Variants in GFOD1 observed in about 807,000 individuals in gnomAD.
GFOD1 encodes glucose-fructose oxidoreductase domain-containing protein 1.
A neutral mutation model predicts 25.4 loss-of-function variants in GFOD1; 9 were observed. The observed-to-expected ratio is 0.35, with a 90% CI of 0.21 to 0.62. The LOEUF is 0.62. Among genes scored for constraint, GFOD1 ranks in the 20% least tolerant of loss-of-function variants. The pLI is 0.72. For missense variants in GFOD1, 403 were observed against 556.9 expected, an observed-to-expected ratio of 0.72 and a Z score of 2.78; for synonymous variants, 253 against 245.6, an observed-to-expected ratio of 1.03 and a Z score of -0.28.
intron 1 of GFOD1, among the ~76,000 whole-genome samples, chr6:13,406,445 T>C (rs1226589317): frequency 6.7e-6 from 1 of 149,406 alleles, no homozygotes; most frequent in Non-Finnish European, 1.5e-5. Context: ...GTAACACGGC[T>C]TCAGAAAGGG....
At position 13,486,662 on chromosome 6, in the gene GFOD1, T is replaced by A; in HGVS notation, c.229A>T (p.Arg77Ter). The A allele has an allele frequency of 6.2e-7, 1 of 1,614,090 alleles. No individual in the cohort carries two copies. Among genetic ancestry groups the A allele is most frequent in the South Asian group, 1.1e-5 (1 of 91,086 alleles). ...VCINLPPPLT[R>*]QIAVKTLGIG... ...CCTAGGGTTTTGACAGCGATCTGTCTGGTGAGGGGCGGCGGCAGGTTAATG... is the reference window on the plus strand; with the variant it reads ...CCTAGGGTTTTGACAGCGATCTGTCAGGTGAGGGGCGGCGGCAGGTTAATG... Residue 77 changes from arginine to a stop codon, truncating the protein, a stop_gained, in exon 1 of 2, where the codon AGA (arginine) becomes TGA (stop). Transcript: ENST00000379287. LOFTEE classifies it high-confidence loss of function.
At chr6:13,397,615 C>T (rs1467423250) in intron 1 of GFOD1, among the ~76,000 whole-genome samples, 1 of 152,198 alleles carries the variant, frequency 6.6e-6, no homozygotes, top group Non-Finnish European at 1.5e-5. Context: ...ATATTTGCCT[C>T]CACCTGCTTC....
intron 1 of GFOD1, among the ~76,000 whole-genome samples, chr6:13,378,879 T>C (rs541779030): frequency 6.6e-6 from 1 of 151,992 alleles, no homozygotes; most frequent in Non-Finnish European, 1.5e-5. Context: ...CCATGCTTCC[T>C]CCCCAAGAAA....
chr6:13,386,916 G>T (rs771960069), intron 1 of GFOD1, among the ~76,000 whole-genome samples: 1 of 152,126 alleles, frequency 6.6e-6, no homozygotes, highest in Non-Finnish European at 1.5e-5. Flanking sequence ...AGAAGTTTGG[G>T]AAATGCTGGT....
intron 1 of GFOD1, among the ~76,000 whole-genome samples, chr6:13,462,511 C>G (rs1177051079): frequency 2.0e-5 from 3 of 152,178 alleles, no homozygotes; most frequent in African/African-American, 7.2e-5. Flanking sequence ...CTGTGAGCAC[C>G]TGGGAGAAGG....
intron 1 of GFOD1, among the ~76,000 whole-genome samples, chr6:13,481,067 C>G (rs1758742132): frequency 6.6e-6 from 1 of 152,156 alleles, no homozygotes; most frequent in Admixed American, 6.5e-5. Context: ...AGGGTCCTAC[C>G]TTGAAATAAC....
At chr6:13,374,508 G>A (rs111648813) in intron 1 of GFOD1, among the ~76,000 whole-genome samples, 7,058 of 151,796 alleles carry the variant, frequency 0.046, 304 homozygotes, top group African/African-American at 0.11. Context: ...GTTTCTCCAT[G>A]TTGGCCAGGC....
intron 1 of GFOD1, among the ~76,000 whole-genome samples, chr6:13,461,795 A>T (rs1440818279): frequency 1.3e-5 from 2 of 152,154 alleles, no homozygotes; most frequent in African/African-American, 4.8e-5. Context: ...AAAACACACG[A>T]GCCAGGCTCA....
At chr6:13,470,682 C>T in intron 1 of GFOD1, 1 of 1,440,614 alleles carries the variant, frequency 6.9e-7, no homozygotes, top group Non-Finnish European at 9.1e-7. Context: ...CATTTTCTAC[C>T]ACCCACTTTT....
chr6:13,482,111 A>G (rs1758764943), intron 1 of GFOD1, among the ~76,000 whole-genome samples: 1 of 148,966 alleles, frequency 6.7e-6, no homozygotes, highest in Non-Finnish European at 1.5e-5. Flanking sequence ...ATATATTGTA[A>G]TATATATAAA....
At position 13,486,856 on chromosome 6, in the gene GFOD1, A is replaced by G; in HGVS notation, c.35T>C (p.Leu12Pro). The stretch of plus-strand genomic sequence containing the variant: ...CAGCGGGATGATGACACGGGCCGTG[A>G]GGCTGGTGCCGAACACGCCCACCCC... ...LPGVGVFGTS[L>P]TARVIIPLLK... The change falls in exon 1 of 2, where the codon CTC (leucine) becomes CCC (proline). Residue 12 changes from leucine to proline, a missense_variant. Leu to Pro is a moderately conservative substitution (Grantham distance 98). Coordinates refer to ENST00000379287, the MANE Select transcript of GFOD1 (RefSeq NM_018988.4). 6.2e-7 allele frequency: 1 copy of G among 1,612,582 alleles called. No individual in the cohort carries two copies. Among genetic ancestry groups the G allele is most frequent in the East Asian group, 2.2e-5 (1 of 44,858 alleles).
chr6:13,398,425 C>T (rs977973184), intron 1 of GFOD1, among the ~76,000 whole-genome samples: 83 of 152,154 alleles, frequency 5.5e-4, no homozygotes, highest in African/African-American at 1.8e-3. Flanking sequence ...TTTGAGTGTA[C>T]GCATTTAGCA....
At position 13,365,639 on chromosome 6, in the gene GFOD1, C is replaced by T. The variant is rs1263444266; in HGVS notation, c.277G>A (p.Asp93Asn). The change falls in exon 2 of 2, where the codon GAC becomes AAC. Residue 93 changes from aspartate (D) to asparagine (N), a missense_variant. Physicochemically the swap from Asp to Asn is conservative, Grantham distance 23 (BLOSUM62 1). Coordinates refer to ENST00000379287, the MANE Select transcript of GFOD1 (RefSeq NM_018988.4). This position sits in a 1 kb window ranked among gnomAD's most constrained non-coding sequence, Gnocchi z 9.2. ...GCGTCCAGCGGCGTGGCCGTGCGGT[C>T]GCAGATGACGTTCTTGCCGATGCCT... Reference protein sequence around the residue: ...TLGIGKNVICDRTATPLDAFR... With the variant: ...TLGIGKNVICNRTATPLDAFR... 4 of 1,596,648 alleles carry T rather than the reference C, an allele frequency of 2.5e-6. No homozygotes were observed. Among genetic ancestry groups the T allele is most frequent in the Non-Finnish European group, 1.7e-6 (2 of 1,177,276 alleles).
chr6:13,388,571 T>C (rs1469084605), intron 1 of GFOD1, among the ~76,000 whole-genome samples: 1 of 152,204 alleles, frequency 6.6e-6, no homozygotes, highest in Non-Finnish European at 1.5e-5. Flanking sequence ...TGTAGAAAGC[T>C]AAAACTGGAT....
At chr6:13,468,419 A>G (rs937136728) in intron 1 of GFOD1, among the ~76,000 whole-genome samples, 13 of 152,196 alleles carry the variant, frequency 8.5e-5, no homozygotes, top group African/African-American at 3.1e-4. Flanking sequence ...CCAGTGTTTC[A>G]GTAATCACAA....
chr6:13,419,938 G>A (rs576632338), intron 1 of GFOD1, among the ~76,000 whole-genome samples: 9 of 152,318 alleles, frequency 5.9e-5, no homozygotes, highest in Admixed American at 1.3e-4. Context: ...GTGCCCCGCC[G>A]GCCGGGCTTT....
At chr6:13,385,480 T>G (rs954538446) in intron 1 of GFOD1, among the ~76,000 whole-genome samples, 1 of 152,194 alleles carries the variant, frequency 6.6e-6, no homozygotes, top group Non-Finnish European at 1.5e-5. Context: ...GCTGGGGCTG[T>G]GGACAGAAGA....
rs187705856 is a variant in GFOD1 at position 13,451,933 on chromosome 6, T to G, written c.253+34705A>C. ...GAAGCAGACACATGGGGATTTGGATTGGATTTAAAAGGCTCCAGTTCAGCT... is the reference window on the plus strand; with the variant it reads ...GAAGCAGACACATGGGGATTTGGATGGGATTTAAAAGGCTCCAGTTCAGCT... On this transcript the variant is annotated intron_variant, in intron 1 of 1. Transcript: ENST00000379287. Among the ~76,000 whole-genome samples, 4 of 152,298 alleles carry G rather than the reference T, an allele frequency of 2.6e-5. No individual in the cohort carries two copies. The East Asian group carries it at 7.7e-4, about 29-fold the overall frequency.
Position 13,486,992 on chromosome 6 carries a change from T to C in GFOD1, c.-102A>G. 1.4e-6 allele frequency: 2 copies of C among 1,405,640 alleles called. No individual in the cohort carries two copies. The highest frequency in any genetic ancestry group is 1.9e-6 in the Non-Finnish European group (2 of 1,051,918). 87.1% of individuals were successfully genotyped at this position (1,405,640 alleles called of 1,614,324 possible). A position where few individuals can be genotyped will look rare whatever the true frequency, so the allele number is the denominator to read the frequency against. On this transcript the variant is annotated 5_prime_UTR_variant, in exon 1 of 2. Coordinates refer to ENST00000379287, the MANE Select transcript of GFOD1 (RefSeq NM_018988.4). Reference sequence around the variant, plus strand: ...TCCTGCACCCCGCTCCTGTAGCCAATCTAGCCGCGGTGCGCCAGCCGCCGT... The same window carrying C: ...TCCTGCACCCCGCTCCTGTAGCCAACCTAGCCGCGGTGCGCCAGCCGCCGT...
Sources: allele counts gnomAD v4.1 joint callset (sites outside exome capture counted in the v4.1 genomes callset), GRCh38; gene constraint gnomAD v4.1.1; non-coding constraint Gnocchi (gnomAD v3.1); transcripts MANE v1.5; gene names NCBI Gene and HGNC (gene_info 2026-07-23, HGNC 2026-07-21).